The following CCDC150 variants were observed in gnomAD, a reference collection of about 807,000 sequenced individuals.
The protein encoded by CCDC150 is coiled-coil domain containing 150.
Under a neutral mutation model 156.5 loss-of-function variants are expected in CCDC150, and 151 were observed. The ratio of observed to expected loss-of-function variants is 0.97; its 90% CI spans 0.85 to 1.10. The LOEUF is 1.10. CCDC150 is among the 50% of genes least tolerant of loss of function. The pLI is 0.00. For missense variants in CCDC150, 1,312 were observed against 1,268.1 expected, an observed-to-expected ratio of 1.03 and a Z score of -0.53; for synonymous variants, 452 against 429.4, an observed-to-expected ratio of 1.05 and a Z score of -0.65.
chr2:196,701,244 T>A, intron 15 of CCDC150, 64 bp downstream of exon 15: 1 of 1,105,132 alleles, frequency 9.0e-7, no homozygotes, highest in Non-Finnish European at 1.3e-6. Context: ...TCAAATTAAA[T>A]ATTGCTAGAT....
At chr2:196,730,977 A>G (rs751513221) in intron 26 of CCDC150, 32 bp downstream of exon 26, 2 of 1,537,212 alleles carry the variant, frequency 1.3e-6, no homozygotes, top group Admixed American at 4.0e-5. Flanking sequence ...AAAGACTTAG[A>G]CGTTTCCTTC....
At chr2:196,684,483 A>C (rs1385495001) in intron 13 of CCDC150, among the ~76,000 whole-genome samples, 1 of 152,144 alleles carries the variant, frequency 6.6e-6, no homozygotes, top group African/African-American at 2.4e-5. Flanking sequence ...TATACCCTGA[A>C]GAATGTTCCA....
At chr2:196,682,651 A>G (rs1487191710) in intron 13 of CCDC150, among the ~76,000 whole-genome samples, 1 of 152,088 alleles carries the variant, frequency 6.6e-6, no homozygotes, top group Non-Finnish European at 1.5e-5. Flanking sequence ...TTCAATTTCA[A>G]GTGAAACGAC....
At chr2:196,645,553 T>G (rs1692487876) in intron 1 of CCDC150, among the ~76,000 whole-genome samples, 1 of 152,238 alleles carries the variant, frequency 6.6e-6, no homozygotes, top group African/African-American at 2.4e-5. Context: ...TTTAAAGTTT[T>G]CACCAATTAC....
At chr2:196,702,343 C>CTG (rs3220631) in intron 15 of CCDC150, among the ~76,000 whole-genome samples, 5,326 of 143,708 alleles carry the variant, frequency 0.037, 261 homozygotes, top group African/African-American at 0.12. Context: ...GACTGAAGTG[C>CTG]TGTGTGTGTG....
At chr2:196,715,033 C>CT (rs1559269415) in intron 17 of CCDC150, among the ~76,000 whole-genome samples, 1 of 152,116 alleles carries the variant, frequency 6.6e-6, no homozygotes, top group Non-Finnish European at 1.5e-5. Flanking sequence ...AGACATCCTC[C>CT]TTTGTTACCG....
At chr2:196,722,301 G>A (rs1386595310) in intron 21 of CCDC150, among the ~76,000 whole-genome samples, 1 of 151,938 alleles carries the variant, frequency 6.6e-6, no homozygotes, top group Non-Finnish European at 1.5e-5. Context: ...TCTGAGACTG[G>A]GTCTCGCCCT....
intron 1 of CCDC150, among the ~76,000 whole-genome samples, chr2:196,641,937 T>C (rs904200839): frequency 2.3e-4 from 35 of 152,230 alleles, no homozygotes; most frequent in Non-Finnish European, 7.3e-5. Flanking sequence ...CAAAGTCATC[T>C]GGTTTTTACT....
chr2:196,692,647 C>G (rs1474919228), intron 13 of CCDC150, among the ~76,000 whole-genome samples: 2 of 152,174 alleles, frequency 1.3e-5, no homozygotes, highest in African/African-American at 4.8e-5. Flanking sequence ...GAATGGATTT[C>G]TTAGTCTTGA....
Position 196,676,678 on chromosome 2 carries a change from T to C in CCDC150, c.1387T>C (p.Ser463Pro), listed in dbSNP as rs1401078112. 1.9e-6 allele frequency: 3 copies of C among 1,613,678 alleles called. No homozygotes were observed. The highest frequency in any genetic ancestry group is 2.7e-5 in the African/African-American group (2 of 74,918). Residue 463 changes from serine (S) to proline (P), a missense_variant, in exon 12 of 28, where the codon TCA becomes CCA. Ser to Pro is a moderately conservative substitution (Grantham distance 74, BLOSUM62 -1). Coordinates refer to ENST00000389175, the MANE Select transcript of CCDC150 (RefSeq NM_001080539.2). ...AAGATTGCGAGGTGAATTGGAAGCATCAATGCAAGAGAAGAAGTCTCTGCT... is the reference window on the plus strand; with the variant it reads ...AAGATTGCGAGGTGAATTGGAAGCACCAATGCAAGAGAAGAAGTCTCTGCT... ...IARLRGELEA[S>P]MQEKKSLLEE...
chr2:196,670,001 T>A, intron 8 of CCDC150, 125 bp downstream of exon 8: 1 of 606,368 alleles, frequency 1.6e-6, no homozygotes, highest in Non-Finnish European at 2.9e-6. Flanking sequence ...AAGTTTCATG[T>A]AAATGAGTAG....
At chr2:196,723,018 CCTT>C (rs1188360310) in intron 21 of CCDC150, among the ~76,000 whole-genome samples, 2 of 152,182 alleles carry the variant, frequency 1.3e-5, no homozygotes, top group Non-Finnish European at 2.9e-5. Flanking sequence ...GGTGAATCAA[CCTT>C]CTTTACTTGA....
intron 15 of CCDC150, among the ~76,000 whole-genome samples, 155 bp downstream of exon 15, chr2:196,701,335 G>T (rs1389464518): frequency 6.6e-6 from 1 of 152,132 alleles, no homozygotes; most frequent in African/African-American, 2.4e-5. Context: ...TAATAGCCAG[G>T]TGACTTCTGT....
At chr2:196,721,478 T>C (rs752292199) in intron 20 of CCDC150, 44 bp from the exon 21 acceptor site, 1 of 1,462,904 alleles carries the variant, frequency 6.8e-7, no homozygotes, top group Non-Finnish European at 9.2e-7. Context: ...ACTTCTTGCA[T>C]CTGTCCATTA....
chr2:196,654,598 T>C (rs747171649), intron 2 of CCDC150, among the ~76,000 whole-genome samples: 45 of 152,290 alleles, frequency 3.0e-4, no homozygotes, highest in African/African-American at 8.4e-4. Flanking sequence ...TTAGGTACTT[T>C]TTTATACTTT....
At chr2:196,651,005 A>C (rs1692841204) in intron 2 of CCDC150, among the ~76,000 whole-genome samples, 1 of 152,056 alleles carries the variant, frequency 6.6e-6, no homozygotes, top group Admixed American at 6.6e-5. Context: ...TTTCTTCATT[A>C]TTCAGTCTTG....
intron 5 of CCDC150, among the ~76,000 whole-genome samples, chr2:196,659,722 AAC>A (rs1413651759): frequency 1.3e-5 from 2 of 152,170 alleles, no homozygotes; most frequent in Non-Finnish European, 2.9e-5. Flanking sequence ...TTATGCAGAA[AAC>A]ACAGAGTCCT....
chr2:196,677,376 A>G lies in CCDC150; in HGVS notation c.1509+15A>G. On this transcript the variant is annotated intron_variant, in intron 13 of 27. Transcript: ENST00000389175. ...CTAAAAACAAGGTATTCTTCATTTTACTTACTGATATTTCACTATATTTCC... is the reference window on the plus strand; with the variant it reads ...CTAAAAACAAGGTATTCTTCATTTTGCTTACTGATATTTCACTATATTTCC... The G allele has an allele frequency of 6.9e-7, 1 of 1,456,848 alleles. No individual in the cohort carries two copies. Among genetic ancestry groups the G allele is most frequent in the Non-Finnish European group, 9.4e-7 (1 of 1,059,116 alleles). 90.2% of individuals were successfully genotyped at this position (1,456,848 alleles called of 1,614,324 possible). A position where few individuals can be genotyped will look rare whatever the true frequency, so the allele number is the denominator to read the frequency against.
chr2:196,663,930 G>A (rs1204319835), intron 5 of CCDC150, among the ~76,000 whole-genome samples: 3 of 151,870 alleles, frequency 2.0e-5, no homozygotes, highest in African/African-American at 7.3e-5. Flanking sequence ...CAATTGGAAA[G>A]GATCTCTTTA....
Sources: allele counts gnomAD v4.1 joint callset (sites outside exome capture counted in the v4.1 genomes callset), GRCh38; gene constraint gnomAD v4.1.1; transcripts MANE v1.5; gene names NCBI Gene and HGNC (gene_info 2026-07-23, HGNC 2026-07-21).